The following ZNF746 variants were observed in gnomAD, a reference collection of about 807,000 sequenced individuals.
The protein encoded by ZNF746 is zinc finger protein 746.
ZNF746 carries 13 observed loss-of-function variants against 41.0 expected under a neutral mutation model. The observed-to-expected ratio is 0.32, with a 90% CI of 0.21 to 0.50. The LOEUF is 0.50. Among genes scored for constraint, ZNF746 ranks in the 20% least tolerant of loss-of-function variants. ZNF746 has a pLI of 0.98. For synonymous variants in ZNF746, 424 were observed against 396.2 expected (o/e 1.07, Z -0.83); for missense variants, 811 against 922.9 (o/e 0.88, Z 1.57).
rs1244947657 is a variant in ZNF746 at position 149,474,458 on chromosome 7, C to T, written c.1909G>A (p.Ala637Thr). The T allele has an allele frequency of 2.5e-6, 4 of 1,611,630 alleles. No homozygotes were observed. The highest frequency in any genetic ancestry group is 2.2e-5 in the East Asian group (1 of 44,794). The stretch of plus-strand genomic sequence containing the variant: ...CAGTCGGTCACAAGGTCTGTGGAGG[C>T]CAAAGGTCCTTTGGAGGCGGGGCTC... ...FKSPASKGPL[A>T]STDLVTDWTC... is the part of the protein sequence containing the mutation. Residue 637 changes from alanine (A) to threonine (T), a missense_variant, in exon 7 of 7, where the codon GCC becomes ACC. Physicochemically the swap from Ala to Thr is moderately conservative, Grantham distance 58. Coordinates refer to ENST00000458143, the MANE Select transcript of ZNF746 (RefSeq NM_001394198.1). The surrounding 1 kb of genome is among the most constrained non-coding windows in gnomAD (Gnocchi z 6.3).
intron 6 of ZNF746, 46 bp downstream of exon 6, chr7:149,476,876 C>T (rs940162122): frequency 1.2e-6 from 2 of 1,612,788 alleles, no homozygotes; most frequent in Admixed American, 3.3e-5. Context: ...GAGGTACTCC[C>T]CACAGGCAAG....
At chr7:149,495,446 CG>C (rs1800963606) in intron 1 of ZNF746, among the ~76,000 whole-genome samples, 1 of 152,134 alleles carries the variant, frequency 6.6e-6, no homozygotes, top group African/African-American at 2.4e-5. Flanking sequence ...GTTCACATGG[CG>C]TATCAGTGAC....
rs1800200469 is a variant in ZNF746, at chr7:149,474,257, C to A, written c.*127G>T. 3.7e-6 allele frequency: 4 copies of A among 1,077,632 alleles called. No individual in the cohort carries two copies. Among genetic ancestry groups the A allele is most frequent in the Non-Finnish European group, 5.3e-6 (4 of 755,972 alleles). 66.8% of individuals were successfully genotyped at this position (1,077,632 alleles called of 1,614,324 possible). On this transcript the variant is annotated 3_prime_UTR_variant, in exon 7 of 7. Transcript: ENST00000458143. The surrounding 1 kb of genome is among the most constrained non-coding windows in gnomAD (Gnocchi z 6.3). The stretch of plus-strand genomic sequence containing the variant: ...TAGTTTCTCTTTCTCCAGTGATCAT[C>A]AGTTCAGCAACTTGGACATTTGGTT...
intron 1 of ZNF746, chr7:149,496,901 T>C (rs1801016674): frequency 9.1e-6 from 9 of 985,390 alleles, no homozygotes; most frequent in Non-Finnish European, 1.1e-5. Flanking sequence ...TCCAGCTGGG[T>C]AAGCCTGGGC....
At chr7:149,481,316 A>C (rs1052370113) in intron 4 of ZNF746, among the ~76,000 whole-genome samples, 1 of 152,234 alleles carries the variant, frequency 6.6e-6, no homozygotes, top group African/African-American at 2.4e-5. Flanking sequence ...CCTTGTATAA[A>C]TTGGTGTAGT....
chr7:149,475,039 T>G lies in ZNF746; in HGVS notation c.1328A>C (p.Tyr443Ser), dbSNP rs974854894. 6.4e-7 allele frequency: 1 copy of G among 1,564,898 alleles called. No individual in the cohort carries two copies. The highest frequency in any genetic ancestry group is 1.2e-5 in the South Asian group (1 of 85,460). The change falls in exon 7 of 7, where the codon TAC becomes TCC. Residue 443 changes from tyrosine to serine, a missense_variant. Physicochemically the swap from Tyr to Ser is moderately radical, Grantham distance 144. Around this residue, in one of 4 missense-constraint regions of ZNF746, gnomAD observed 495 missense variants for 481.6 expected, o/e 1.03. Coordinates refer to ENST00000458143, the MANE Select transcript of ZNF746 (RefSeq NM_001394198.1). ...GCCAAAGCCTTTGGTCCGGCCAGGG[T>G]ATTTACAGGGTTCGTTGAATGGCCT... The part of the protein sequence containing the change: ...APRPFNEPCK[Y>S]PGRTKGFGHK...
At chr7:149,493,414 C>G (rs1437867630) in intron 3 of ZNF746, among the ~76,000 whole-genome samples, 1 of 152,168 alleles carries the variant, frequency 6.6e-6, no homozygotes. Flanking sequence ...GCTCCGGGGT[C>G]ACACAGAAAC....
chr7:149,478,437 A>C (rs1291416426), intron 4 of ZNF746, among the ~76,000 whole-genome samples: 1 of 152,192 alleles, frequency 6.6e-6, no homozygotes, highest in Non-Finnish European at 1.5e-5. Flanking sequence ...ACCCATAAAA[A>C]CTTGGAATCC....
chr7:149,486,971 C>G (rs1284083033), intron 4 of ZNF746, among the ~76,000 whole-genome samples: 2 of 152,178 alleles, frequency 1.3e-5, no homozygotes, highest in African/African-American at 4.8e-5. Context: ...GACTGCACAG[C>G]AGGGGGTGGG....
In ZNF746 at chr7:149,494,076, C is replaced by G. The variant is rs200319297; in HGVS notation, c.364G>C (p.Glu122Gln). The change falls in exon 3 of 7, where the codon GAG becomes CAG. Residue 122 changes from glutamate to glutamine, a missense_variant. Glu to Gln is a conservative substitution (Grantham distance 29). This residue lies in a region of ZNF746 where 147 missense variants were observed against 233.4 expected (regional missense o/e 0.63). Coordinates refer to ENST00000458143, the MANE Select transcript of ZNF746 (RefSeq NM_001394198.1). The surrounding 1 kb of genome is among the most constrained non-coding windows in gnomAD (Gnocchi z 5.6). ...TFDDVAVYFSEQEWGKLEDWQ... is the reference protein window; with the variant it reads ...TFDDVAVYFSQQEWGKLEDWQ... ...TCCTCCAGCTTGCCCCACTCCTGCT[C>G]GGAGAAATACACGGCCACATCATCA... The G allele has an allele frequency of 2.5e-6, 4 of 1,614,140 alleles. No individual in the cohort carries two copies. In the South Asian group the frequency reaches 4.4e-5, roughly 18 times the overall value.
intron 5 of ZNF746, 107 bp downstream of exon 5, chr7:149,477,456 GC>G: frequency 7.8e-7 from 1 of 1,286,814 alleles, no homozygotes; most frequent in Non-Finnish European, 1.1e-6. Flanking sequence ...AAGTTGTCAG[GC>G]CGGAAGTGTT....
At chr7:149,495,301 A>G (rs1036784871) in intron 1 of ZNF746, among the ~76,000 whole-genome samples, 2 of 152,098 alleles carry the variant, frequency 1.3e-5, no homozygotes, top group African/African-American at 4.8e-5. Flanking sequence ...GGCCTCCGAC[A>G]TTTTTGTAGC....
rs545154574 is a variant in ZNF746, at chr7:149,497,022, G to A, written c.24+491C>T. 9.7e-5 allele frequency: 96 copies of A among 985,428 alleles called. 1 individual carries two copies. The South Asian group carries it at 4.1e-3, about 42-fold the overall frequency. 61.0% of individuals were successfully genotyped at this position (985,428 alleles called of 1,614,324 possible). On this transcript the variant is annotated intron_variant, in intron 1 of 6. Coordinates refer to ENST00000458143, the MANE Select transcript of ZNF746 (RefSeq NM_001394198.1). This position sits in a 1 kb window ranked among gnomAD's most constrained non-coding sequence, Gnocchi z 4.2. ...AGACTAACGCCTCAACAGGGCTTGT[G>A]GAAGTGCGTGGCTCTATATTCCCTT...
chr7:149,477,416 C>T, intron 5 of ZNF746, 148 bp downstream of exon 5: 1 of 919,606 alleles, frequency 1.1e-6, no homozygotes. Context: ...TCCTTTAGTA[C>T]AGTCCTACCT....
chr7:149,476,043 G>C (rs139082583), intron 6 of ZNF746, among the ~76,000 whole-genome samples: 1 of 152,164 alleles, frequency 6.6e-6, no homozygotes, highest in Non-Finnish European at 1.5e-5. Context: ...GGCCAGGCGC[G>C]GTGGCTCACG....
Position 149,494,724 on chromosome 7 carries a change from A to G in ZNF746, c.25-221T>C, listed in dbSNP as rs1270633349. Among the ~76,000 whole-genome samples, 3 of 151,294 alleles carry G rather than the reference A, an allele frequency of 2.0e-5. No individual in the cohort carries two copies. The highest frequency in any genetic ancestry group is 4.9e-5 in the African/African-American group (2 of 41,072). On this transcript the variant is annotated intron_variant, in intron 1 of 6. Coordinates refer to ENST00000458143, the MANE Select transcript of ZNF746 (RefSeq NM_001394198.1). This position sits in a 1 kb window ranked among gnomAD's most constrained non-coding sequence, Gnocchi z 5.6. ...CTTTACTCCAGGCCTCTGCAGCACA[A>G]TGCAGACCCTTATCACGGTGCTTAT...
At chr7:149,491,744 G>C in intron 4 of ZNF746, 2 of 620,918 alleles carry the variant, frequency 3.2e-6, no homozygotes, top group Non-Finnish European at 5.8e-6. Context: ...CTCAGTGTCA[G>C]ACGAAAGGGA....
chr7:149,484,217 C>A (rs957550894), intron 4 of ZNF746, among the ~76,000 whole-genome samples: 1 of 151,998 alleles, frequency 6.6e-6, no homozygotes, highest in Non-Finnish European at 1.5e-5. Flanking sequence ...TTTTTAATAC[C>A]GAAACCAGAC....
Position 149,494,565 on chromosome 7 carries a change from T to C in ZNF746, c.25-62A>G, listed in dbSNP as rs566381545. On this transcript the variant is annotated intron_variant, in intron 1 of 6. Transcript: ENST00000458143. This position sits in a 1 kb window ranked among gnomAD's most constrained non-coding sequence, Gnocchi z 5.6. The stretch of plus-strand genomic sequence containing the variant: ...CCATCCACTGTCTTCATTGAGCCCC[T>C]CTCTCCCTAGGCACGGGGGAGTTGG... The C allele has an allele frequency of 1.2e-3, 1,849 of 1,592,852 alleles. 21 individuals carry two copies. The African/African-American group carries it at 0.022, about 19-fold the overall frequency.
Sources: gnomAD v4.1 joint callset for allele counts (sites outside exome capture counted in the v4.1 genomes callset) on GRCh38, gnomAD v4.1.1 for gene constraint, gnomAD v4.1.1 regional missense constraint, Gnocchi (gnomAD v3.1) non-coding constraint, MANE v1.5 for transcripts, NCBI Gene and HGNC (gene_info 2026-07-23, HGNC 2026-07-21) for gene names.